SYNE2: variants seen among roughly 807,000 people sequenced by gnomAD.
SYNE2 encodes spectrin repeat containing nuclear envelope protein 2.
Under a neutral mutation model 856.3 loss-of-function variants are expected in SYNE2, and 431 were observed. The observed-to-expected ratio is 0.50, with a 90% CI of 0.47 to 0.55. The LOEUF (loss-of-function observed/expected upper bound fraction) is 0.55. SYNE2 is among the 20% of genes least tolerant of loss of function. SYNE2 has a pLI of 0.00. For missense variants in SYNE2, 8,129 were observed against 8,023.2 expected (o/e 1.01, Z -0.50); for synonymous variants, 2,923 against 2,872.3 (o/e 1.02, Z -0.56).
At chr14:63,805,512 C>G (rs931465268) in intron 1 of SYNE2, among the ~76,000 whole-genome samples, 1 of 152,120 alleles carries the variant, frequency 6.6e-6, no homozygotes, top group South Asian at 2.1e-4. Context: ...TCAGCCTCTC[C>G]GAGTAGCTGG....
At chr14:63,780,308 C>T (rs753736927) in intron 1 of SYNE2, among the ~76,000 whole-genome samples, 104 of 152,178 alleles carry the variant, frequency 6.8e-4, no homozygotes, top group Admixed American at 1.8e-3. Context: ...CCGAGGCGGG[C>T]AGACGATTTG....
intron 1 of SYNE2, among the ~76,000 whole-genome samples, chr14:63,874,540 A>G (rs1170311947): frequency 2.6e-5 from 4 of 152,316 alleles, no homozygotes; most frequent in Middle Eastern, 3.4e-3. Context: ...TAAAATTGCC[A>G]CTAACTAGCC....
In SYNE2 at chr14:64,126,667, A is replaced by G; in HGVS notation, c.13777A>G (p.Met4593Val). The G allele has an allele frequency of 3.7e-6, 6 of 1,614,244 alleles. No individual in the cohort carries two copies. Among genetic ancestry groups the G allele is most frequent in the Non-Finnish European group, 5.1e-6 (6 of 1,180,042 alleles). Residue 4593 changes from methionine (M) to valine (V), a missense_variant, in exon 73 of 116, where the codon ATG becomes GTG. Met to Val is a conservative substitution (Grantham distance 21, BLOSUM62 1). This residue lies in a region of SYNE2 where 5,410 missense variants were observed against 5,284.8 expected (regional missense o/e 1.02). Transcript: ENST00000555002. ...SDKKGDLLKA[M>V]TWPGENTNLL... The stretch of plus-strand genomic sequence containing the variant: ...CAAGAAGGGTGATCTTTTGAAAGCC[A>G]TGACTTGGCCTGGCGAGAACACCAA...
At chr14:64,201,922 T>C (rs2098570050) in intron 99 of SYNE2, among the ~76,000 whole-genome samples, 1 of 152,244 alleles carries the variant, frequency 6.6e-6, no homozygotes, top group Admixed American at 6.5e-5. Flanking sequence ...CACCTCGCTC[T>C]GCTTTAGGAC....
intron 11 of SYNE2, 118 bp downstream of exon 11, chr14:63,967,964 A>G (rs2096417846): frequency 1.0e-6 from 1 of 971,336 alleles, no homozygotes; most frequent in East Asian, 2.5e-5. Context: ...GGAGTTTGAT[A>G]GCAGCCTGGC....
intron 96 of SYNE2, among the ~76,000 whole-genome samples, chr14:64,184,311 C>G (rs1362000643): frequency 7.1e-6 from 1 of 141,258 alleles, no homozygotes; most frequent in Non-Finnish European, 1.5e-5. Flanking sequence ...TGCCAGAGAG[C>G]CACACTGTAT....
At chr14:64,164,160 A>G (rs2153718927) in intron 89 of SYNE2, among the ~76,000 whole-genome samples, 1 of 151,430 alleles carries the variant, frequency 6.6e-6, no homozygotes, top group East Asian at 1.9e-4. Context: ...CCCAGGCTGG[A>G]GTACAGTGGT....
chr14:63,793,537 G>A (rs764238935), intron 1 of SYNE2, among the ~76,000 whole-genome samples: 9 of 98,480 alleles, frequency 9.1e-5, no homozygotes, highest in Non-Finnish European at 1.9e-4. Flanking sequence ...CATGCTAAAC[G>A]TGAAATGTCA....
At chr14:63,878,779 A>AGG (rs1056685968) in intron 1 of SYNE2, among the ~76,000 whole-genome samples, 5 of 152,184 alleles carry the variant, frequency 3.3e-5, no homozygotes, top group Non-Finnish European at 7.3e-5. Flanking sequence ...TCCTGATCTC[A>AGG]GGTGATCCAC....
chr14:64,215,509 C>A (rs773303374), intron 107 of SYNE2, 155 bp downstream of exon 107: 1 of 797,020 alleles, frequency 1.3e-6, no homozygotes, highest in African/African-American at 1.7e-5. Flanking sequence ...CCGTACTCAC[C>A]CATAACTGCG....
Position 63,823,876 on chromosome 14 carries a change from A to G in SYNE2, c.-304-28625A>G, listed in dbSNP as rs184369717. 2.0e-4 allele frequency among the ~76,000 whole-genome samples: 31 copies of G among 152,082 alleles called. No homozygotes were observed. In the East Asian group the frequency reaches 3.7e-3, roughly 18 times the overall value. ...GGTCTCAAATTCCTGGGCTCAAGCA[A>G]TACTCCCTCCTTGGCTTCCCAAAGT... On this transcript the variant is annotated intron_variant, in intron 1 of 23. Coordinates refer to the SYNE2 transcript ENST00000674003.
chr14:64,213,004 C>T lies in SYNE2; in HGVS notation c.19055C>T (p.Pro6352Leu), dbSNP rs551160654. Residue 6352 changes from proline (P) to leucine (L), a missense_variant and splice_region_variant, in exon 105 of 116, where the codon CCG becomes CTG. By Grantham distance (98) the Pro-to-Leu change is moderately conservative. Coordinates refer to ENST00000555002, the MANE Select transcript of SYNE2 (RefSeq NM_182914.3). Reference sequence around the variant, plus strand: ...CACCGGCGGCTCACCTCCTGCACTCCGGTACGGGCACTGCTGCCTAGAAAT... The same window carrying T: ...CACCGGCGGCTCACCTCCTGCACTCTGGTACGGGCACTGCTGCCTAGAAAT... ...RFHRRLTSCT[P>L]GLEDEKEASE... 26 of 1,613,022 alleles carry T rather than the reference C, an allele frequency of 1.6e-5. No homozygotes were observed. Among genetic ancestry groups the T allele is most frequent in the African/African-American group, 1.6e-4 (12 of 74,996 alleles).
At position 64,051,982 on chromosome 14, in the gene SYNE2, T is replaced by G; in HGVS notation, c.8069T>G (p.Met2690Arg). The change falls in exon 48 of 116, where the codon ATG becomes AGG. Residue 2690 changes from methionine to arginine, a missense_variant. Coordinates refer to ENST00000555002, the MANE Select transcript of SYNE2 (RefSeq NM_182914.3). ...TTAAAGGGGCAAGCTGAACTTCAGA[T>G]GAAGAGGATTTGGGGAGAAAAAGAA... ...SVLKGQAELQ[M>R]KRIWGEKEKK... The G allele has an allele frequency of 6.2e-7, 1 of 1,613,980 alleles. No individual in the cohort carries two copies. Among genetic ancestry groups the G allele is most frequent in the Non-Finnish European group, 8.5e-7 (1 of 1,180,040 alleles).
intron 65 of SYNE2, among the ~76,000 whole-genome samples, chr14:64,108,548 A>G (rs1207889936): frequency 1.3e-5 from 2 of 152,162 alleles, no homozygotes; most frequent in Non-Finnish European, 2.9e-5. Flanking sequence ...CTAAAGCTCC[A>G]AGGGTCTCAT....
At chr14:64,185,724 T>C (rs1253026249) in intron 96 of SYNE2, among the ~76,000 whole-genome samples, 3 of 152,104 alleles carry the variant, frequency 2.0e-5, no homozygotes, top group East Asian at 1.9e-4. Flanking sequence ...TTTCATCATG[T>C]TGGCCAGGCT....
intron 47 of SYNE2, among the ~76,000 whole-genome samples, chr14:64,050,292 T>G (rs116255727): frequency 0.011 from 1,655 of 152,282 alleles, 30 homozygotes; most frequent in African/African-American, 0.038. Flanking sequence ...ACCTAATCAC[T>G]CCTCAAAGTT....
chr14:63,923,445 T>C (rs2095623861), intron 2 of SYNE2, among the ~76,000 whole-genome samples: 1 of 152,378 alleles, frequency 6.6e-6, no homozygotes, highest in South Asian at 2.1e-4. Flanking sequence ...TACTTAAATC[T>C]GTATGTTGAT....
At chr14:64,199,472 C>T (rs182595186) in intron 99 of SYNE2, among the ~76,000 whole-genome samples, 53 of 152,172 alleles carry the variant, frequency 3.5e-4, no homozygotes, top group Non-Finnish European at 6.3e-4. Flanking sequence ...AATCCTAGCG[C>T]TTTGGGAGGT....
chr14:63,786,849 G>A (rs1595109146), intron 1 of SYNE2, among the ~76,000 whole-genome samples: 1 of 152,152 alleles, frequency 6.6e-6, no homozygotes, highest in East Asian at 1.9e-4. Flanking sequence ...CTGCAGCCTG[G>A]ACATCCTGGG....
Sources: gnomAD v4.1 joint callset for allele counts (sites outside exome capture counted in the v4.1 genomes callset) on GRCh38, gnomAD v4.1.1 for gene constraint, gnomAD v4.1.1 regional missense constraint, MANE v1.5 for transcripts, NCBI Gene and HGNC (gene_info 2026-07-23, HGNC 2026-07-21) for gene names.